IMMP2L: variants seen among roughly 807,000 people sequenced by gnomAD.
IMMP2L encodes the protein mitochondrial inner membrane protease subunit 2.
In IMMP2L, 18 loss-of-function variants were observed where a neutral mutation model predicts 19.3. The ratio of observed to expected loss-of-function variants is 0.93; its 90% CI spans 0.64 to 1.38. IMMP2L has a LOEUF of 1.38. IMMP2L is among the 40% of genes most tolerant of loss of function. The probability of loss-of-function intolerance (pLI) is 0.00; values close to 1 mark genes in which losing one functional copy is unlikely to be tolerated. For missense variants in IMMP2L, 233 were observed against 218.2 expected, an observed-to-expected ratio of 1.07 and a Z score of -0.43; for synonymous variants, 76 against 73.0, an observed-to-expected ratio of 1.04 and a Z score of -0.21.
At chr7:111,198,485 T>C (rs532921860) in intron 3 of IMMP2L, among the ~76,000 whole-genome samples, 2 of 152,114 alleles carry the variant, frequency 1.3e-5, no homozygotes, top group Admixed American at 6.5e-5. Context: ...ACAACATGGG[T>C]GTACCAGGTC....
intron 3 of IMMP2L, among the ~76,000 whole-genome samples, chr7:111,386,413 T>C (rs1831759625): frequency 6.6e-6 from 1 of 152,136 alleles, no homozygotes; most frequent in African/African-American, 2.4e-5. Flanking sequence ...TGTGTGACTA[T>C]ACAAATACAT....
intron 3 of IMMP2L, among the ~76,000 whole-genome samples, chr7:111,412,571 A>G (rs1166340468): frequency 1.3e-5 from 2 of 151,908 alleles, no homozygotes; most frequent in African/African-American, 4.9e-5. Context: ...ATTTAAAAAC[A>G]TCTTGAATAA....
intron 5 of IMMP2L, among the ~76,000 whole-genome samples, chr7:110,795,491 G>C (rs545630947): frequency 4.9e-4 from 74 of 152,182 alleles, no homozygotes; most frequent in African/African-American, 1.8e-3. Flanking sequence ...ATCCTCTCTT[G>C]AGGGCAAGAT....
At chr7:110,908,865 T>C (rs776116602) in intron 4 of IMMP2L, among the ~76,000 whole-genome samples, 4 of 152,224 alleles carry the variant, frequency 2.6e-5, no homozygotes, top group Non-Finnish European at 4.4e-5. Context: ...TGCCATGCAC[T>C]GGGATGCAAA....
At chr7:110,859,609 GT>G (rs886299924) in intron 5 of IMMP2L, among the ~76,000 whole-genome samples, 7 of 151,812 alleles carry the variant, frequency 4.6e-5, no homozygotes, top group African/African-American at 1.7e-4. Context: ...CAGGCATGGT[GT>G]TGTGTACCTG....
intron 3 of IMMP2L, among the ~76,000 whole-genome samples, chr7:111,253,770 G>C (rs1158741500): frequency 6.6e-6 from 1 of 152,094 alleles, no homozygotes; most frequent in African/African-American, 2.4e-5. Flanking sequence ...TAAAGTCAGA[G>C]AATTATTTAG....
At position 110,963,828 on chromosome 7, in the gene IMMP2L, T is replaced by G. The variant is rs532000069; in HGVS notation, c.240-263A>C. ...AAATACAGAGGAATAAAACATTTTC[T>G]TATTAAGGAATAAAGTTTATTATTA... On this transcript the variant is annotated intron_variant, in intron 3 of 5. Transcript: ENST00000405709. Among the ~76,000 whole-genome samples the G allele has an allele frequency of 9.2e-5, 14 of 152,174 alleles. No homozygotes were observed. In the South Asian group the frequency reaches 2.9e-3, roughly 32 times the overall value.
At chr7:111,219,603 G>A (rs949654264) in intron 3 of IMMP2L, among the ~76,000 whole-genome samples, 1 of 151,686 alleles carries the variant, frequency 6.6e-6, no homozygotes, top group Admixed American at 6.6e-5. Context: ...TGATTTCTTA[G>A]GATGCATTAT....
intron 5 of IMMP2L, among the ~76,000 whole-genome samples, chr7:110,809,444 C>T (rs1801871752): frequency 6.6e-6 from 1 of 151,816 alleles, no homozygotes; most frequent in Admixed American, 6.6e-5. Context: ...AAGATTATGA[C>T]TAGTATTTAT....
intron 3 of IMMP2L, among the ~76,000 whole-genome samples, chr7:111,113,904 A>G (rs1299409376): frequency 6.6e-6 from 1 of 152,184 alleles, no homozygotes; most frequent in Non-Finnish European, 1.5e-5. Context: ...GCTTTTAGAG[A>G]CCAAAACTTA....
intron 3 of IMMP2L, among the ~76,000 whole-genome samples, chr7:111,021,067 ATAAT>A (rs1406584851): frequency 2.6e-5 from 4 of 152,252 alleles, no homozygotes; most frequent in African/African-American, 9.6e-5. Context: ...AAGCTACAAC[ATAAT>A]TAATAAATTA....
chr7:110,927,750 A>C (rs1247274338), intron 4 of IMMP2L, among the ~76,000 whole-genome samples: 1 of 152,078 alleles, frequency 6.6e-6, no homozygotes, highest in African/African-American at 2.4e-5. Context: ...TCTGACCTTC[A>C]GAAGAGTAAG....
chr7:110,683,943 T>C (rs1296926077), intron 5 of IMMP2L, among the ~76,000 whole-genome samples: 2 of 152,138 alleles, frequency 1.3e-5, no homozygotes, highest in Non-Finnish European at 2.9e-5. Flanking sequence ...ATTCAATCAA[T>C]AAACATGGTG....
intron 3 of IMMP2L, among the ~76,000 whole-genome samples, chr7:111,484,418 A>G (rs1842451195): frequency 6.6e-6 from 1 of 152,160 alleles, no homozygotes; most frequent in Admixed American, 6.6e-5. Flanking sequence ...TTAATATAAA[A>G]AGGTTATACT....
intron 3 of IMMP2L, among the ~76,000 whole-genome samples, chr7:110,981,197 G>A (rs1821258206): frequency 6.6e-6 from 1 of 151,998 alleles, no homozygotes; most frequent in Non-Finnish European, 1.5e-5. Context: ...AAAGAAGAAA[G>A]TTGTGTATAA....
At position 110,663,534 on chromosome 7, in the gene IMMP2L, G is replaced by A. The variant is rs1212932166; in HGVS notation, c.*68C>T. ...TGTCAGAAGTTTTTCCCTTTTGGAG[G>A]CTTCTTTTTTCCATTCCTTTCCAGT... On this transcript the variant is annotated 3_prime_UTR_variant, in exon 6 of 6. Transcript: ENST00000405709. 8.8e-6 allele frequency: 13 copies of A among 1,478,768 alleles called. No individual in the cohort carries two copies. The highest frequency in any genetic ancestry group is 1.1e-5 in the Non-Finnish European group (12 of 1,066,002). 91.6% of individuals were successfully genotyped at this position (1,478,768 alleles called of 1,614,324 possible).
chr7:110,772,121 G>C (rs1292742524), intron 5 of IMMP2L, among the ~76,000 whole-genome samples: 1 of 152,072 alleles, frequency 6.6e-6, no homozygotes, highest in Non-Finnish European at 1.5e-5. Flanking sequence ...CAGAGTCAAG[G>C]GGGAGAGAGT....
chr7:111,063,394 C>A (rs1275718250), intron 3 of IMMP2L, among the ~76,000 whole-genome samples: 1 of 152,188 alleles, frequency 6.6e-6, no homozygotes, highest in Non-Finnish European at 1.5e-5. Flanking sequence ...TCCTCCTAGG[C>A]TGCTGGGCCT....
chr7:111,264,711 C>CTTAA (rs2129949532), intron 3 of IMMP2L, among the ~76,000 whole-genome samples: 1 of 151,202 alleles, frequency 6.6e-6, no homozygotes, highest in Admixed American at 6.6e-5. Flanking sequence ...GCCCCACTAC[C>CTTAA]TTAATGCCAG....
Sources: gnomAD v4.1 joint callset for allele counts (sites outside exome capture counted in the v4.1 genomes callset) on GRCh38, gnomAD v4.1.1 for gene constraint, MANE v1.5 for transcripts, NCBI Gene and HGNC (gene_info 2026-07-23, HGNC 2026-07-21) for gene names.